PNPLA5: variants seen among roughly 807,000 people sequenced by gnomAD.
The protein encoded by PNPLA5 is patatin-like phospholipase domain-containing protein 5.
In PNPLA5, 44 loss-of-function variants were observed where a neutral mutation model predicts 49.1. That is an observed-to-expected ratio of 0.90 (90% CI 0.70 to 1.15). The LOEUF (loss-of-function observed/expected upper bound fraction) is 1.15. PNPLA5 is among the 50% of genes most tolerant of loss of function. The pLI, the probability that PNPLA5 is intolerant of heterozygous loss-of-function variation, is 0.00. For missense variants in PNPLA5, 603 were observed against 564.0 expected (o/e 1.07, Z -0.70); for synonymous variants, 243 against 244.4 (o/e 0.99, Z 0.06).
rs749622401 is a variant in PNPLA5, at chr22:43,881,665, C to T, written c.1092G>A (p.Val364=). The change falls in exon 8 of 9, where the codon GTG becomes GTA. Residue 364 remains valine (V), a synonymous_variant. Transcript: ENST00000216177. ...AGTCCGCCGGCACATCGGGCAGCCA[C>T]ACCACCAACCTGGAGGAAGGGGCAG... The part of the protein sequence containing the change: ...YIYFRSRRLV[V]WLPDVPADLW... 5.6e-6 allele frequency: 9 copies of T among 1,613,768 alleles called. No individual in the cohort carries two copies. In the East Asian group the frequency reaches 1.1e-4, roughly 20 times the overall value.
chr22:43,891,388 G>A, intron 1 of PNPLA5, 94 bp from the exon 2 acceptor site: 1 of 1,439,390 alleles, frequency 6.9e-7, no homozygotes, highest in Non-Finnish European at 9.1e-7. Flanking sequence ...AGTGGGAGCG[G>A]GGTCCTCCCC....
At chr22:43,890,028 G>GA in intron 2 of PNPLA5, 164 bp from the exon 3 acceptor site, 1 of 1,409,356 alleles carries the variant, frequency 7.1e-7, no homozygotes, top group African/African-American at 1.4e-5. Flanking sequence ...CTCTCCAAGG[G>GA]AAGCAGGGAT....
At chr22:43,890,557 T>G (rs905583909) in intron 2 of PNPLA5, among the ~76,000 whole-genome samples, 1 of 152,222 alleles carries the variant, frequency 6.6e-6, no homozygotes, top group African/African-American at 2.4e-5. Flanking sequence ...TACTGGATGG[T>G]TCCTTACCTC....
chr22:43,880,926 C>G, intron 8 of PNPLA5, 41 bp from the exon 9 acceptor site: 1 of 1,307,528 alleles, frequency 7.6e-7, no homozygotes, highest in Non-Finnish European at 9.8e-7. Flanking sequence ...GCCTGGGGCT[C>G]GGGAAGGGTA....
Position 43,891,078 on chromosome 22 carries a change from C to T in PNPLA5, c.410G>A (p.Cys137Tyr), listed in dbSNP as rs1220538381. The T allele has an allele frequency of 2.5e-6, 4 of 1,610,526 alleles. No homozygotes were observed. The highest frequency in any genetic ancestry group is 3.4e-6 in the Non-Finnish European group (4 of 1,179,062). The change falls in exon 2 of 9, where the codon TGC becomes TAC. Residue 137 changes from cysteine (C) to tyrosine (Y), a missense_variant. Cys to Tyr is a radical substitution (Grantham distance 194). Coordinates refer to ENST00000216177, the MANE Select transcript of PNPLA5 (RefSeq NM_138814.4). ...GCCCCACACCTGGATGAGCTCATCG[C>T]AGGTGGCGAAGTCAGTGACCAAGAA... ...RNFLVTDFATCDELIQALVCT... is the reference protein window; with the variant it reads ...RNFLVTDFATYDELIQALVCT...
At chr22:43,890,661 G>A (rs919920969) in intron 2 of PNPLA5, among the ~76,000 whole-genome samples, 1 of 152,194 alleles carries the variant, frequency 6.6e-6, no homozygotes. Context: ...TGTCTGTTTT[G>A]CTCCCTGTTA....
At chr22:43,885,388 T>A (rs1281523455) in intron 6 of PNPLA5, among the ~76,000 whole-genome samples, 3 of 150,584 alleles carry the variant, frequency 2.0e-5, no homozygotes, top group Non-Finnish European at 4.4e-5. Context: ...TTCAGCCTCT[T>A]CCCACCCAGC....
rs1238012993 is a variant in PNPLA5, at chr22:43,881,737, C to T, written c.1083-63G>A. 5 of 1,577,556 alleles carry T rather than the reference C, an allele frequency of 3.2e-6. No homozygotes were observed. The South Asian group carries it at 3.5e-5, about 11-fold the overall frequency. The stretch of plus-strand genomic sequence containing the variant: ...CTGGGGTGTGGCCCCACCAAGCCCA[C>T]CCTCCCCATAGGCCCAGAGCACAGC... On this transcript the variant is annotated intron_variant, in intron 7 of 8. Coordinates refer to ENST00000216177, the MANE Select transcript of PNPLA5 (RefSeq NM_138814.4).
At position 43,889,806 on chromosome 22, in the gene PNPLA5, C is replaced by G; in HGVS notation, c.485G>C (p.Arg162Thr). The change falls in exon 3 of 9, where the codon AGA (arginine) becomes ACA (threonine). Residue 162 changes from arginine to threonine, a missense_variant. By Grantham distance (71) the Arg-to-Thr change is moderately conservative. Coordinates refer to ENST00000216177, the MANE Select transcript of PNPLA5 (RefSeq NM_138814.4). ...FYCGLIPPEF[R>T]GERYIDGALS... is the part of the protein sequence containing the mutation. ...GTTCCAGAGTGCACTCACCTCCCCTCTGAACTCGGGGGGGATCAGCCCGCA... is the reference window on the plus strand; with the variant it reads ...GTTCCAGAGTGCACTCACCTCCCCTGTGAACTCGGGGGGGATCAGCCCGCA... The G allele has an allele frequency of 6.2e-7, 1 of 1,612,882 alleles. No individual in the cohort carries two copies. The highest frequency in any genetic ancestry group is 8.5e-7 in the Non-Finnish European group (1 of 1,179,680).
chr22:43,881,365 G>A (rs910686384), intron 8 of PNPLA5, among the ~76,000 whole-genome samples, 193 bp downstream of exon 8: 4 of 152,216 alleles, frequency 2.6e-5, no homozygotes, highest in Non-Finnish European at 4.4e-5. Flanking sequence ...GTCATAGAGC[G>A]TCTAGCACAG....
intron 2 of PNPLA5, 85 bp from the exon 3 acceptor site, chr22:43,889,949 AG>A: frequency 6.5e-7 from 1 of 1,547,926 alleles, no homozygotes; most frequent in East Asian, 2.4e-5. Context: ...TAATCCCAAC[AG>A]CCTGCAAAGG....
In PNPLA5 at chr22:43,891,997, G is replaced by A. The variant is rs2049731546; in HGVS notation, c.-117C>T. On this transcript the variant is annotated 5_prime_UTR_variant, in exon 1 of 9. Transcript: ENST00000216177. ...CCAAATGTGGGCTCTGGAGGGAGCCGGGCTGGGGCTGGTGCTGGTGCTCCC... is the reference window on the plus strand; with the variant it reads ...CCAAATGTGGGCTCTGGAGGGAGCCAGGCTGGGGCTGGTGCTGGTGCTCCC... 3.8e-6 allele frequency: 4 copies of A among 1,057,000 alleles called. No individual in the cohort carries two copies. The highest frequency in any genetic ancestry group is 3.6e-5 in the South Asian group (2 of 54,854). 65.5% of individuals were successfully genotyped at this position (1,057,000 alleles called of 1,614,324 possible).
At chr22:43,890,094 AG>A in intron 2 of PNPLA5, 1 of 985,334 alleles carries the variant, frequency 1.0e-6, no homozygotes, top group South Asian at 4.7e-5. Context: ...GCAGGGAAGG[AG>A]GCCAGGTGCA....
In PNPLA5 at chr22:43,889,556, C is replaced by G. The variant is rs541443468; in HGVS notation, c.493-18G>C. 154 of 1,587,722 alleles carry G rather than the reference C, an allele frequency of 9.7e-5. 4 individuals are homozygous for G. In the South Asian group the frequency reaches 1.7e-3, roughly 18 times the overall value. On this transcript the variant is annotated intron_variant, in intron 3 of 8. Transcript: ENST00000216177. ...ATGTAGCGCTGCAATTTGTGGGGAG[C>G]AGGTGGGTGGTGCTGCCCTCTCAGA...
Position 43,880,766 on chromosome 22 carries a change from A to G in PNPLA5, c.*29T>C, listed in dbSNP as rs1025225557. The G allele has an allele frequency of 4.6e-6, 6 of 1,310,578 alleles. No individual in the cohort carries two copies. Among genetic ancestry groups the G allele is most frequent in the Admixed American group, 3.8e-5 (1 of 26,610 alleles). The allele number at this position is 1,310,578 out of a possible 1,614,324, so 81.2% of individuals were successfully genotyped here. ...GCCAGAGCAGGAATCAAGGGACACC[A>G]GTCACTGGGCTGGCCCTGCTCGGCC... On this transcript the variant is annotated 3_prime_UTR_variant, in exon 9 of 9. Coordinates refer to ENST00000216177, the MANE Select transcript of PNPLA5 (RefSeq NM_138814.4).
intron 6 of PNPLA5, among the ~76,000 whole-genome samples, chr22:43,884,775 T>C (rs529215010): frequency 6.6e-6 from 1 of 152,300 alleles, no homozygotes; most frequent in South Asian, 2.1e-4. Context: ...GCCACAACTA[T>C]GACCGCAGCA....
Position 43,889,820 on chromosome 22 carries a change from G to A in PNPLA5, c.471C>T (p.Ile157=), listed in dbSNP as rs145530414. ...TLYFPFYCGL[I]PPEFRGERYI... is the part of the protein sequence containing the mutation. ...TCACCTCCCCTCTGAACTCGGGGGG[G>A]ATCAGCCCGCAGTAGAAAGGAAAGT... Residue 157 remains isoleucine (I), a synonymous_variant, in exon 3 of 9, where the codon ATC becomes ATT. Transcript: ENST00000216177. 37 of 1,613,232 alleles carry A rather than the reference G, an allele frequency of 2.3e-5. No individual in the cohort carries two copies. The highest frequency in any genetic ancestry group is 2.8e-5 in the Non-Finnish European group (33 of 1,179,798).
chr22:43,885,021 C>A (rs1020342924), intron 6 of PNPLA5, among the ~76,000 whole-genome samples: 1 of 152,208 alleles, frequency 6.6e-6, no homozygotes, highest in Non-Finnish European at 1.5e-5. Flanking sequence ...TAGGACGAGT[C>A]CTAGCTTCCT....
rs1238022013 is a variant in PNPLA5, at chr22:43,884,218, G to A, written c.1077C>T (p.Ser359=). 1 of 1,551,250 alleles carries A rather than the reference G, an allele frequency of 6.4e-7. No individual in the cohort carries two copies. Among genetic ancestry groups the A allele is most frequent in the African/African-American group, 1.4e-5 (1 of 72,044 alleles). Residue 359 remains serine (S), a synonymous_variant, in exon 7 of 9, where the codon AGC becomes AGT. Transcript: ENST00000216177. ...TLPFEYIYFR[S]RRLVVWLPDV... is the part of the protein sequence containing the mutation. ...GCCCCCTGGCCGAGCCTTACCTTCT[G>A]CTGCGGAAGTAGATGTACTCGAAGG...
Sources: allele counts gnomAD v4.1 joint callset (sites outside exome capture counted in the v4.1 genomes callset), GRCh38; gene constraint gnomAD v4.1.1; transcripts MANE v1.5; gene names NCBI Gene and HGNC (gene_info 2026-07-23, HGNC 2026-07-21).